The following IRS4 variants were observed in gnomAD, a reference collection of about 807,000 sequenced individuals.
IRS4 encodes insulin receptor substrate 4.
A neutral mutation model predicts 48.6 loss-of-function variants in IRS4; 15 were observed. The ratio of observed to expected loss-of-function variants is 0.31; its 90% CI spans 0.21 to 0.48. IRS4 has a LOEUF of 0.48. IRS4 is among the 20% of genes least tolerant of loss of function. IRS4 has a pLI of 0.99. For synonymous variants in IRS4, 459 were observed against 413.2 expected (o/e 1.11, Z -1.34); for missense variants, 987 against 1,023.4 (o/e 0.96, Z 0.49).
At chrX:108,729,392 C>G (rs2068888721) in intron 1 of IRS4, among the ~76,000 whole-genome samples, 1 of 109,372 alleles carries the variant, frequency 9.1e-6, no homozygotes. Context: ...ATCCTCCCAT[C>G]TCTTGAATAA....
In IRS4 at chrX:108,734,545, G is replaced by A; in HGVS notation, c.1800C>T (p.Ser600=). ...GGKGSGSGKG[S]DGDGERGKSL... ...ATTTTCCACGTTCACCATCACCATC[G>A]GATCCTTTCCCACTTCCTGAGCCTT... is the stretch of plus-strand genomic sequence containing the variant. Residue 600 remains serine (S), a synonymous_variant, in exon 1 of 2, where the codon TCC becomes TCT. Coordinates refer to ENST00000372129, the MANE Select transcript of IRS4 (RefSeq NM_001379150.1). 1 of 1,211,121 alleles carries A rather than the reference G, an allele frequency of 8.3e-7. No individual in the cohort carries two copies. The highest frequency in any genetic ancestry group is 1.1e-6 in the Non-Finnish European group (1 of 895,362).
At position 108,734,073 on chromosome X, in the gene IRS4, G is replaced by C. The variant is rs781128819; in HGVS notation, c.2272C>G (p.Pro758Ala). The change falls in exon 1 of 2, where the codon CCT becomes GCT. Residue 758 changes from proline to alanine, a missense_variant. Physicochemically the swap from Pro to Ala is conservative, Grantham distance 27. This residue lies in a region of IRS4 where 720 missense variants were observed against 660.3 expected (regional missense o/e 1.09). Transcript: ENST00000372129. ...PRVSPPPAPS[P>A]PKAPDTNKED... ...TTATTAGTATCAGGTGCTTTTGGAG[G>C]ACTCGGAGCAGGTGGTGGGCTCACT... The C allele has an allele frequency of 5.8e-6, 7 of 1,211,590 alleles. No individual in the cohort carries two copies. The Middle Eastern group carries it at 9.2e-4, about 159-fold the overall frequency.
chrX:108,734,451 G>A lies in IRS4; in HGVS notation c.1894C>T (p.Pro632Ser), dbSNP rs1456231886. ...GCTGGTGGGGGTGGAGGAGGAGGTG[G>A]TGGAGGTGGTGGCATTTGCTGTTGC... ...SKQQQMPPPP[P>S]PPPPPPPAGG... Residue 632 changes from proline to serine, a missense_variant, in exon 1 of 2, where the codon CCA becomes TCA. Physicochemically the swap from Pro to Ser is moderately conservative, Grantham distance 74 (BLOSUM62 -1). This residue lies in a region of IRS4 where 720 missense variants were observed against 660.3 expected (regional missense o/e 1.09). Coordinates refer to ENST00000372129, the MANE Select transcript of IRS4 (RefSeq NM_001379150.1). 8.3e-7 allele frequency: 1 copy of A among 1,209,806 alleles called. No homozygotes were observed. Among genetic ancestry groups the A allele is most frequent in the Non-Finnish European group, 1.1e-6 (1 of 895,196 alleles).
In IRS4 at chrX:108,720,787, C is replaced by T. The variant is rs769500666; in HGVS notation, c.*1732G>A. ...GATAAAGTTGATGCCCTAGCAGTGA[C>T]CAGTAACTGGAACAATGACTGATCT... On this transcript the variant is annotated 3_prime_UTR_variant, in exon 2 of 2. Coordinates refer to ENST00000372129, the MANE Select transcript of IRS4 (RefSeq NM_001379150.1). 1 of 111,872 alleles carries T rather than the reference C, an allele frequency of 8.9e-6. No individual in the cohort carries two copies. Among genetic ancestry groups the T allele is most frequent in the African/African-American group, 3.2e-5 (1 of 30,781 alleles). The allele number at this position is 111,872 out of a possible 1,213,427, so 9.2% of individuals were successfully genotyped here.
chrX:108,734,578 C>T lies in IRS4; in HGVS notation c.1767G>A (p.Gly589=), dbSNP rs138076182. ...TCCCACTTCCTGAGCCTTTGCCCCC[C>T]CCAGAGTTCTTGCCACCACCTGAGC... ...GHGSGGGKNS[G]GGKGSGSGKG... is the part of the protein sequence containing the mutation. The change falls in exon 1 of 2, where the codon GGG becomes GGA. Residue 589 remains glycine (G), a synonymous_variant. Transcript: ENST00000372129. 156 of 1,209,558 alleles carry T rather than the reference C, an allele frequency of 1.3e-4. No individual in the cohort carries two copies. Among genetic ancestry groups the T allele is most frequent in the Non-Finnish European group, 1.6e-4 (144 of 895,144 alleles).
At position 108,733,934 on chromosome X, in the gene IRS4, C is replaced by T; in HGVS notation, c.2411G>A (p.Ser804Asn). Residue 804 changes from serine (S) to asparagine (N), a missense_variant, in exon 1 of 2, where the codon AGT (serine) becomes AAT (asparagine). By Grantham distance (46) the Ser-to-Asn change is conservative. This residue lies in a region of IRS4 where 720 missense variants were observed against 660.3 expected (regional missense o/e 1.09). Transcript: ENST00000372129. Reference sequence around the variant, plus strand: ...TGGTAGAGAGAAGTAGGAGCTCCAACTTTTGGAGGAAGAGCCACCCTGAGG... The same window carrying T: ...TGGTAGAGAGAAGTAGGAGCTCCAATTTTTGGAGGAAGAGCCACCCTGAGG... ...RNPQGGSSSK[S>N]WSSYFSLPNP... 3 of 1,211,856 alleles carry T rather than the reference C, an allele frequency of 2.5e-6. No individual in the cohort carries two copies. Among genetic ancestry groups the T allele is most frequent in the Non-Finnish European group, 3.4e-6 (3 of 895,517 alleles).
Position 108,735,745 on chromosome X carries a change from C to G in IRS4, c.600G>C (p.Glu200Asp). The G allele has an allele frequency of 8.4e-7, 1 of 1,196,801 alleles. No homozygotes were observed. Among genetic ancestry groups the G allele is most frequent in the Non-Finnish European group, 1.1e-6 (1 of 888,709 alleles). ...WYLLLSRLILESKRRRCGTLG... is the reference protein window; with the variant it reads ...WYLLLSRLILDSKRRRCGTLG... ...GCGTGCCGCAGCGGCGGCGCTTGCT[C>G]TCGAGGATGAGGCGGCTGAGCAGCA... Residue 200 changes from glutamate (E) to aspartate (D), a missense_variant, in exon 1 of 2, where the codon GAG (glutamate) becomes GAC (aspartate). By Grantham distance (45) the Glu-to-Asp change is conservative (BLOSUM62 2). Transcript: ENST00000372129.
Position 108,736,257 on chromosome X carries a change from C to A in IRS4, c.88G>T (p.Val30Leu), listed in dbSNP as rs769861641. 29 of 1,208,993 alleles carry A rather than the reference C, an allele frequency of 2.4e-5. No homozygotes were observed. The highest frequency in any genetic ancestry group is 1.1e-5 in the Non-Finnish European group (10 of 894,958). ...AAAAAALAAV[V>L]TTPLLSSGTP... ...CCCGAGGAAAGAAGCGGGGTGGTCA[C>A]CACTGCTGCTAGAGCTGCCGCTGCC... The change falls in exon 1 of 2, where the codon GTG becomes TTG. Residue 30 changes from valine (V) to leucine (L), a missense_variant. Around this residue, in one of 4 missense-constraint regions of IRS4, gnomAD observed 173 missense variants for 208.9 expected, o/e 0.83. Coordinates refer to ENST00000372129, the MANE Select transcript of IRS4 (RefSeq NM_001379150.1).
In IRS4 at chrX:108,733,365, T is replaced by A; in HGVS notation, c.2980A>T (p.Arg994Trp). 1 of 1,211,898 alleles carries A rather than the reference T, an allele frequency of 8.3e-7. No individual in the cohort carries two copies. The highest frequency in any genetic ancestry group is 1.8e-5 in the South Asian group (1 of 56,997). ...RANPLSLDSA[R>W]WPLPPLPLSA... Reference sequence around the variant, plus strand: ...AGGGGAAGGGGAGGAAGTGGCCACCTAGCACTGTCCAGAGATAAGGGGTTG... The same window carrying A: ...AGGGGAAGGGGAGGAAGTGGCCACCAAGCACTGTCCAGAGATAAGGGGTTG... Residue 994 changes from arginine (R) to tryptophan (W), a missense_variant, in exon 1 of 2, where the codon AGG becomes TGG. Arg to Trp is a moderately radical substitution (Grantham distance 101). Around this residue, in one of 4 missense-constraint regions of IRS4, gnomAD observed 720 missense variants for 660.3 expected, o/e 1.09. Coordinates refer to ENST00000372129, the MANE Select transcript of IRS4 (RefSeq NM_001379150.1).
In IRS4 at chrX:108,734,434, G is replaced by C; in HGVS notation, c.1911C>G (p.Pro637=). ...MPPPPPPPPP[P]PPAGGTGGKG... ...TTCCACCAGTTCCTCCAGCTGGTGGGGGTGGAGGAGGAGGTGGTGGAGGTG... is the reference window on the plus strand; with the variant it reads ...TTCCACCAGTTCCTCCAGCTGGTGGCGGTGGAGGAGGAGGTGGTGGAGGTG... Residue 637 remains proline (P), a synonymous_variant, in exon 1 of 2, where the codon CCC becomes CCG. Coordinates refer to ENST00000372129, the MANE Select transcript of IRS4 (RefSeq NM_001379150.1). 3.3e-6 allele frequency: 4 copies of C among 1,211,770 alleles called. No homozygotes were observed. Among genetic ancestry groups the C allele is most frequent in the South Asian group, 3.5e-5 (2 of 56,984 alleles).
At chrX:108,730,297 A>T (rs775493026) in intron 1 of IRS4, among the ~76,000 whole-genome samples, 1 of 108,816 alleles carries the variant, frequency 9.2e-6, no homozygotes, top group Non-Finnish European at 1.9e-5. Context: ...CACCACCATC[A>T]ACACCACCAC....
chrX:108,733,449 C>T lies in IRS4; in HGVS notation c.2896G>A (p.Val966Met), dbSNP rs1322571529. ...TCGTTTGCTGGATTTGGAAATGGCA[C>T]TCCAAACTCAACATTCACATAATTA... ...FSNYVNVEFG[V>M]PFPNPANDLS... The change falls in exon 1 of 2, where the codon GTG (valine) becomes ATG (methionine). Residue 966 changes from valine to methionine, a missense_variant. Around this residue, in one of 4 missense-constraint regions of IRS4, gnomAD observed 720 missense variants for 660.3 expected, o/e 1.09. Transcript: ENST00000372129. The T allele has an allele frequency of 3.3e-6, 4 of 1,211,492 alleles. No individual in the cohort carries two copies. Among genetic ancestry groups the T allele is most frequent in the Non-Finnish European group, 3.4e-6 (3 of 895,411 alleles).
Position 108,734,584 on chromosome X carries a change from G to A in IRS4, c.1761C>T (p.Asn587=), listed in dbSNP as rs1450213882. Reference sequence around the variant, plus strand: ...TTCCTGAGCCTTTGCCCCCCCCAGAGTTCTTGCCACCACCTGAGCCATGGC... The same window carrying A: ...TTCCTGAGCCTTTGCCCCCCCCAGAATTCTTGCCACCACCTGAGCCATGGC... ...GDGHGSGGGK[N]SGGGKGSGSG... is the part of the protein sequence containing the mutation. Residue 587 remains asparagine (N), a synonymous_variant, in exon 1 of 2, where the codon AAC becomes AAT. Transcript: ENST00000372129. 1.7e-6 allele frequency: 2 copies of A among 1,209,348 alleles called. No homozygotes were observed.
At chrX:108,727,195 T>C (rs1460989154) in intron 1 of IRS4, among the ~76,000 whole-genome samples, 1 of 112,433 alleles carries the variant, frequency 8.9e-6, no homozygotes, top group Non-Finnish European at 1.9e-5. Flanking sequence ...TTTCACTTAA[T>C]AAGTATTTAA....
In IRS4 at chrX:108,720,248, C is replaced by G. The variant is rs957559227; in HGVS notation, c.*2271G>C. ...TATCAAATTAAATGTAGAGGTCACACACACAAAAATATTCCATCATTGTTT... is the reference window on the plus strand; with the variant it reads ...TATCAAATTAAATGTAGAGGTCACAGACACAAAAATATTCCATCATTGTTT... On this transcript the variant is annotated 3_prime_UTR_variant, in exon 2 of 2. Coordinates refer to ENST00000372129, the MANE Select transcript of IRS4 (RefSeq NM_001379150.1). 8.9e-6 allele frequency: 1 copy of G among 112,349 alleles called. No individual in the cohort carries two copies. Among genetic ancestry groups the G allele is most frequent in the Admixed American group, 9.4e-5 (1 of 10,591 alleles). 9.3% of individuals were successfully genotyped at this position (112,349 alleles called of 1,213,427 possible).
rs1268410793 is a variant in IRS4 at position 108,734,227 on chromosome X, C to T, written c.2118G>A (p.Gly706=). ...TGGAGCTTACAAGAGGGGTGGCCAC[C>T]CCTGGCCTCATTGGCACGTATGGGT... is the stretch of plus-strand genomic sequence containing the variant. ...EDDPYVPMRP[G]VATPLVSSSD... Residue 706 remains glycine, a synonymous_variant, in exon 1 of 2, where the codon GGG becomes GGA. Transcript: ENST00000372129. The T allele has an allele frequency of 1.7e-6, 2 of 1,208,861 alleles. No individual in the cohort carries two copies. Among genetic ancestry groups the T allele is most frequent in the Admixed American group, 4.4e-5 (2 of 45,717 alleles).
chrX:108,735,388 G>A lies in IRS4; in HGVS notation c.957C>T (p.Asn319=). The change falls in exon 1 of 2, where the codon AAC becomes AAT. Residue 319 remains asparagine (N), a synonymous_variant. Coordinates refer to ENST00000372129, the MANE Select transcript of IRS4 (RefSeq NM_001379150.1). ...MQVDDCVVAQ[N]MHELFLEKMR... The stretch of plus-strand genomic sequence containing the variant: ...TCTTCTCCAAAAACAGCTCATGCAT[G>A]TTTTGGGCAACCACACAGTCATCGA... 8.3e-7 allele frequency: 1 copy of A among 1,211,308 alleles called. No individual in the cohort carries two copies. The highest frequency in any genetic ancestry group is 1.1e-6 in the Non-Finnish European group (1 of 895,451).
In IRS4 at chrX:108,735,058, C is replaced by G. The variant is rs758458647; in HGVS notation, c.1287G>C (p.Pro429=). ...GRRSRRAVSV[P]ASFFRRLAPS... ...GTGCTAAGCGGCGAAAAAAGCTGGC[C>G]GGCACTGAAACCGCTCTCCTTGACC... The change falls in exon 1 of 2, where the codon CCG becomes CCC. Residue 429 remains proline (P), a synonymous_variant. Transcript: ENST00000372129. 8.3e-6 allele frequency: 10 copies of G among 1,209,931 alleles called. No individual in the cohort carries two copies. The highest frequency in any genetic ancestry group is 1.8e-5 in the African/African-American group (1 of 57,142).
chrX:108,731,187 G>T (rs1029551652), intron 1 of IRS4, among the ~76,000 whole-genome samples: 1 of 110,063 alleles, frequency 9.1e-6, no homozygotes, highest in African/African-American at 3.3e-5. Context: ...TTTGTGTATG[G>T]CAAGTTTTCT....
Sources: allele counts gnomAD v4.1 joint callset (sites outside exome capture counted in the v4.1 genomes callset), GRCh38; gene constraint gnomAD v4.1.1; regional missense constraint gnomAD v4.1.1; transcripts MANE v1.5; gene names NCBI Gene and HGNC (gene_info 2026-07-23, HGNC 2026-07-21).